Variants in SPIDR observed in about 807,000 individuals in gnomAD.
The protein encoded by SPIDR is scaffold protein involved in DNA repair, also known as DNA repair-scaffolding protein.
SPIDR carries 93 observed loss-of-function variants against 104.6 expected under a neutral mutation model. That is an observed-to-expected ratio of 0.89 (90% CI 0.75 to 1.06). SPIDR has a LOEUF of 1.06. Among genes scored for constraint, SPIDR ranks in the 50% least tolerant of loss-of-function variants. SPIDR has a pLI of 0.00. For missense variants in SPIDR, 1,154 were observed against 1,111.2 expected, an observed-to-expected ratio of 1.04 and a Z score of -0.55; for synonymous variants, 431 against 416.9, an observed-to-expected ratio of 1.03 and a Z score of -0.41.
chr8:47,306,341 A>T (rs1299932446), intron 5 of SPIDR, among the ~76,000 whole-genome samples: 1 of 151,832 alleles, frequency 6.6e-6, no homozygotes, highest in Non-Finnish European at 1.5e-5. Context: ...GGGCTTCACT[A>T]TGTTGGCCAG....
chr8:47,549,204 A>G lies in SPIDR; in HGVS notation c.1098-46607A>G, dbSNP rs190312310. 2.4e-4 allele frequency among the ~76,000 whole-genome samples: 37 copies of G among 152,270 alleles called. No individual in the cohort carries two copies. In the East Asian group the frequency reaches 6.4e-3, roughly 26 times the overall value. On this transcript the variant is annotated intron_variant, in intron 8 of 19. Transcript: ENST00000297423. ...TTTGGGTTGGTTCCAAGTCTTTGCT[A>G]TTGTGAATATTGCTGCAATAAACAT...
chr8:47,365,042 A>G (rs1181789145), intron 5 of SPIDR, among the ~76,000 whole-genome samples: 1 of 152,240 alleles, frequency 6.6e-6, no homozygotes, highest in Non-Finnish European at 1.5e-5. Context: ...GGAGTCTGCA[A>G]GTATTTTGGA....
intron 10 of SPIDR, among the ~76,000 whole-genome samples, chr8:47,611,768 A>G (rs774734116): frequency 2.0e-5 from 3 of 152,254 alleles, no homozygotes; most frequent in Non-Finnish European, 4.4e-5. Context: ...TACAATTAAT[A>G]TAGAACTGAA....
At chr8:47,389,416 A>G (rs1554650232) in intron 5 of SPIDR, among the ~76,000 whole-genome samples, 1 of 152,132 alleles carries the variant, frequency 6.6e-6, no homozygotes, top group Non-Finnish European at 1.5e-5. Context: ...CCGGCCGGGC[A>G]CGGTGGCTCA....
At chr8:47,321,401 T>C (rs180982616) in intron 5 of SPIDR, among the ~76,000 whole-genome samples, 151,966 of 152,272 alleles carry the variant, frequency 1, 75,833 homozygotes, top group Middle Eastern at 1. Context: ...TTTGAAGGAC[T>C]TCTTCAAGGA....
At chr8:47,335,859 C>T (rs1442913651) in intron 5 of SPIDR, among the ~76,000 whole-genome samples, 6 of 150,416 alleles carry the variant, frequency 4.0e-5, no homozygotes, top group Non-Finnish European at 8.9e-5. Flanking sequence ...CTTCAACTTC[C>T]TTCAGAAATT....
chr8:47,355,779 C>A (rs868980902), intron 5 of SPIDR, among the ~76,000 whole-genome samples: 1 of 152,160 alleles, frequency 6.6e-6, no homozygotes, highest in South Asian at 2.1e-4. Flanking sequence ...TTCCAAGGAC[C>A]TCTAAACACT....
At position 47,402,677 on chromosome 8, in the gene SPIDR, C is replaced by A. The variant is rs185596951; in HGVS notation, c.777-5184C>A. On this transcript the variant is annotated intron_variant, in intron 6 of 19. Transcript: ENST00000297423. ...GGAAGAAGCTGAATCCCTGAATAGACCAATAACAGGTTCTGAAAATGAGGC... is the reference window on the plus strand; with the variant it reads ...GGAAGAAGCTGAATCCCTGAATAGAACAATAACAGGTTCTGAAAATGAGGC... Among the ~76,000 whole-genome samples the A allele has an allele frequency of 3.3e-5, 5 of 151,798 alleles. No individual in the cohort carries two copies. In the East Asian group the frequency reaches 7.8e-4, roughly 24 times the overall value.
intron 8 of SPIDR, among the ~76,000 whole-genome samples, chr8:47,561,959 C>T (rs1023169207): frequency 6.6e-6 from 1 of 152,224 alleles, no homozygotes. Flanking sequence ...GGGAATTACA[C>T]AAGTGTTCGG....
At chr8:47,677,118 G>A (rs2076544018) in intron 11 of SPIDR, among the ~76,000 whole-genome samples, 1 of 152,138 alleles carries the variant, frequency 6.6e-6, no homozygotes, top group Non-Finnish European at 1.5e-5. Flanking sequence ...CCTCTCCGGG[G>A]CACACCTGCT....
intron 10 of SPIDR, among the ~76,000 whole-genome samples, chr8:47,623,838 G>T (rs1640126000): frequency 6.6e-6 from 1 of 152,116 alleles, no homozygotes; most frequent in African/African-American, 2.4e-5. Flanking sequence ...GAGACAGAAA[G>T]TTAACAAGGA....
At chr8:47,260,904 G>A, upstream of SPIDR, 1 of 1,206,206 alleles carries the variant, frequency 8.3e-7, no homozygotes, top group Non-Finnish European at 1.0e-6. Context: ...GCGGCGCGCC[G>A]AGGTGGGACG....
At chr8:47,426,953 G>A (rs1349069227) in intron 7 of SPIDR, among the ~76,000 whole-genome samples, 3 of 152,156 alleles carry the variant, frequency 2.0e-5, no homozygotes, top group African/African-American at 4.8e-5. Flanking sequence ...ATTTATTGAA[G>A]TACGTTTTGA....
chr8:47,308,028 A>G (rs1336460235), intron 5 of SPIDR, among the ~76,000 whole-genome samples: 3 of 151,636 alleles, frequency 2.0e-5, no homozygotes, highest in African/African-American at 7.3e-5. Context: ...GTAAGTCTGG[A>G]AATTAGATTC....
At chr8:47,273,412 A>G (rs988377859) in intron 1 of SPIDR, among the ~76,000 whole-genome samples, 17 of 152,194 alleles carry the variant, frequency 1.1e-4, no homozygotes, top group Non-Finnish European at 2.1e-4. Context: ...AAGGAATTCA[A>G]TAGAAGCACA....
At chr8:47,717,094 C>G (rs1409626607) in intron 16 of SPIDR, among the ~76,000 whole-genome samples, 1 of 152,158 alleles carries the variant, frequency 6.6e-6, no homozygotes, top group African/African-American at 2.4e-5. Context: ...AGCAGACCGG[C>G]TACAGGGACA....
At chr8:47,559,383 TGTG>T (rs2056784024) in intron 8 of SPIDR, among the ~76,000 whole-genome samples, 1 of 152,214 alleles carries the variant, frequency 6.6e-6, no homozygotes, top group African/African-American at 2.4e-5. Context: ...CTTACATATG[TGTG>T]TTCCATTGGA....
chr8:47,664,603 TG>T (rs1443653753), intron 10 of SPIDR, among the ~76,000 whole-genome samples: 4 of 151,948 alleles, frequency 2.6e-5, no homozygotes, highest in African/African-American at 9.7e-5. Flanking sequence ...AAAGAATTCG[TG>T]GACTTGAAAT....
rs1026880692 is a variant in SPIDR at position 47,616,565 on chromosome 8, T to C, written c.1544+17369T>C. 2.0e-5 allele frequency among the ~76,000 whole-genome samples: 3 copies of C among 152,240 alleles called. No homozygotes were observed. In the East Asian group the frequency reaches 5.8e-4, roughly 29 times the overall value. ...ATAGAACCAGTTCAATTCTACTGGA[T>C]CCTTCTTTGCAGTGATATTCTCTAT... On this transcript the variant is annotated intron_variant, in intron 10 of 19. Transcript: ENST00000297423.
Sources: gnomAD v4.1 joint callset for allele counts (sites outside exome capture counted in the v4.1 genomes callset) on GRCh38, gnomAD v4.1.1 for gene constraint, MANE v1.5 for transcripts, NCBI Gene and HGNC (gene_info 2026-07-23, HGNC 2026-07-21) for gene names.